The following NTN1 variants were observed in gnomAD, a reference collection of about 807,000 sequenced individuals.
NTN1 encodes netrin-1.
A neutral mutation model predicts 54.2 loss-of-function variants in NTN1; 11 were observed. That is an observed-to-expected ratio of 0.20 (90% CI 0.13 to 0.34). NTN1 has a LOEUF of 0.34. Ranked by LOEUF, NTN1 falls within the 10% of genes least tolerant of loss-of-function variation. The pLI is 1.00. For missense variants in NTN1, 740 were observed against 893.1 expected (o/e 0.83, Z 2.18); for synonymous variants, 371 against 382.0 (o/e 0.97, Z 0.33).
intron 2 of NTN1, among the ~76,000 whole-genome samples, chr17:9,106,469 CT>C (rs1228279744): frequency 0.19 from 2,763 of 14,562 alleles, 109 homozygotes; most frequent in African/African-American, 0.41. Flanking sequence ...TCCTTCCTCC[CT>C]TCCTTCCTTC....
At chr17:9,227,454 AGACT>A (rs1257782792) in intron 6 of NTN1, among the ~76,000 whole-genome samples, 37 of 148,916 alleles carry the variant, frequency 2.5e-4, no homozygotes, top group East Asian at 1.2e-3. Context: ...TCAGATACAC[AGACT>A]GTCACACACA....
chr17:9,223,771 A>T (rs943460269), intron 6 of NTN1, among the ~76,000 whole-genome samples: 9 of 152,118 alleles, frequency 5.9e-5, no homozygotes, highest in South Asian at 4.1e-4. Context: ...GCACCGCAGC[A>T]CTGTCCTCCT....
chr17:9,110,662 G>A (rs2092187365), intron 2 of NTN1, among the ~76,000 whole-genome samples: 1 of 152,160 alleles, frequency 6.6e-6, no homozygotes, highest in African/African-American at 2.4e-5. Context: ...AATGCAGAAA[G>A]GTGTTTTCTC....
intron 3 of NTN1, among the ~76,000 whole-genome samples, chr17:9,166,184 CACCACCACCACCACCACCACCA>C (rs2092372755): frequency 6.8e-6 from 1 of 147,082 alleles, no homozygotes; most frequent in African/African-American, 2.5e-5. Flanking sequence ...CCACCACCAC[CACCACCACCACCACCACCACCA>C]CCAGCACCTC....
intron 3 of NTN1, among the ~76,000 whole-genome samples, chr17:9,172,302 C>A (rs937983641): frequency 1.3e-5 from 2 of 151,592 alleles, no homozygotes; most frequent in Non-Finnish European, 2.9e-5. Flanking sequence ...TCGAGACCAT[C>A]CTGGGAAACA....
intron 2 of NTN1, among the ~76,000 whole-genome samples, chr17:9,132,799 A>T (rs1035386204): frequency 5.9e-5 from 9 of 152,144 alleles, no homozygotes; most frequent in Non-Finnish European, 1.0e-4. Context: ...ACTTGAACCC[A>T]GGAGGTGGAG....
At chr17:9,057,263 T>C (rs772837690) in intron 2 of NTN1, among the ~76,000 whole-genome samples, 56 of 151,984 alleles carry the variant, frequency 3.7e-4, no homozygotes, top group Admixed American at 1.7e-3. Context: ...GACCAACATG[T>C]ACAGCATTAT....
At chr17:9,070,695 G>C (rs1399822575) in intron 2 of NTN1, among the ~76,000 whole-genome samples, 1 of 152,154 alleles carries the variant, frequency 6.6e-6, no homozygotes, top group Non-Finnish European at 1.5e-5. Context: ...GGGTTCAAAT[G>C]ATTCTCCTGC....
chr17:9,112,854 C>G (rs1475345043), intron 2 of NTN1, among the ~76,000 whole-genome samples: 1 of 151,568 alleles, frequency 6.6e-6, no homozygotes, highest in African/African-American at 2.4e-5. Flanking sequence ...GCACCCCACC[C>G]CCTTCCACAG....
chr17:9,085,115 C>A (rs2092085972), intron 2 of NTN1, among the ~76,000 whole-genome samples: 1 of 152,176 alleles, frequency 6.6e-6, no homozygotes, highest in Non-Finnish European at 1.5e-5. Context: ...TTTACAGAGA[C>A]CTCAGAACAC....
intron 2 of NTN1, among the ~76,000 whole-genome samples, chr17:9,117,508 G>A (rs547426248): frequency 4.0e-4 from 61 of 152,064 alleles, no homozygotes; most frequent in Non-Finnish European, 6.8e-4. Flanking sequence ...TAGTTTGGGA[G>A]GCCGAGGAGG....
rs1331527140 is a variant in NTN1, at chr17:9,241,544, C to G, written c.*1576C>G. 4 of 152,440 alleles carry G rather than the reference C, an allele frequency of 2.6e-5. No homozygotes were observed. The highest frequency in any genetic ancestry group is 9.6e-5 in the African/African-American group (4 of 41,462). 9.4% of individuals were successfully genotyped at this position (152,440 alleles called of 1,614,324 possible). On this transcript the variant is annotated 3_prime_UTR_variant, in exon 7 of 7. Transcript: ENST00000173229. Reference sequence around the variant, plus strand: ...GAATTAAGAGGCCTGGCTCCCCTCACAGTCAGGAAATTGGTTTCACTTTCC... The same window carrying G: ...GAATTAAGAGGCCTGGCTCCCCTCAGAGTCAGGAAATTGGTTTCACTTTCC...
intron 2 of NTN1, among the ~76,000 whole-genome samples, chr17:9,136,121 A>G (rs932193574): frequency 6.6e-6 from 1 of 152,198 alleles, no homozygotes; most frequent in Non-Finnish European, 1.5e-5. Flanking sequence ...GCTTGACAAG[A>G]GTGGGCAGGA....
At chr17:9,075,735 C>T (rs536090800) in intron 2 of NTN1, among the ~76,000 whole-genome samples, 183 of 152,300 alleles carry the variant, frequency 1.2e-3, no homozygotes, top group African/African-American at 4.3e-3. Flanking sequence ...GTGTGTGTGG[C>T]TCTGCAGCCC....
At chr17:9,116,140 G>T (rs1467593741) in intron 2 of NTN1, among the ~76,000 whole-genome samples, 2 of 152,256 alleles carry the variant, frequency 1.3e-5, no homozygotes, top group Admixed American at 1.3e-4. Context: ...GTTCCTGGAG[G>T]AGCGGCTGTG....
intron 5 of NTN1, among the ~76,000 whole-genome samples, chr17:9,201,765 G>T (rs1480379929): frequency 6.6e-6 from 1 of 152,116 alleles, no homozygotes; most frequent in Non-Finnish European, 1.5e-5. Context: ...GTTCCCATTG[G>T]TCTGTGGATG....
intron 2 of NTN1, among the ~76,000 whole-genome samples, chr17:9,053,233 T>G (rs999271754): frequency 3.3e-5 from 5 of 152,208 alleles, no homozygotes; most frequent in African/African-American, 1.2e-4. Context: ...CTAAAATACT[T>G]ATTATCTGGC....
chr17:9,159,230 A>T (rs1375358168), intron 2 of NTN1, among the ~76,000 whole-genome samples: 2 of 152,256 alleles, frequency 1.3e-5, no homozygotes, highest in East Asian at 3.8e-4. Context: ...TGGCATGAAC[A>T]GGCAATGCAC....
intron 3 of NTN1, chr17:9,177,075 G>T (rs71369624): frequency 0.085 from 12,998 of 152,436 alleles, 755 homozygotes; most frequent in East Asian, 0.2. Context: ...ATGATCTGCT[G>T]GTGGGGAAAC....
Sources: allele counts gnomAD v4.1 joint callset (sites outside exome capture counted in the v4.1 genomes callset), GRCh38; gene constraint gnomAD v4.1.1; transcripts MANE v1.5; gene names NCBI Gene and HGNC (gene_info 2026-07-23, HGNC 2026-07-21).